Variants in GFOD1 observed in about 807,000 individuals in gnomAD.
GFOD1 encodes glucose-fructose oxidoreductase domain-containing protein 1.
Under a neutral mutation model 25.4 loss-of-function variants are expected in GFOD1, and 9 were observed. The ratio of observed to expected loss-of-function variants is 0.35; its 90% CI spans 0.21 to 0.62. The LOEUF (loss-of-function observed/expected upper bound fraction) is 0.62, where lower values mean the gene tolerates loss of function less well. Among genes scored for constraint, GFOD1 ranks in the 20% least tolerant of loss-of-function variants. The pLI, the probability that GFOD1 is intolerant of heterozygous loss-of-function variation, is 0.72. For synonymous variants in GFOD1, 253 were observed against 245.6 expected, an observed-to-expected ratio of 1.03 and a Z score of -0.28; for missense variants, 403 against 556.9, an observed-to-expected ratio of 0.72 and a Z score of 2.78.
Position 13,467,898 on chromosome 6 carries a change from C to T in GFOD1, c.253+18740G>A, listed in dbSNP as rs139634445. ...ACCACTTCCACTTCCTAGAAGACTGCCTTTTTCCTTTGGCCAAGGCTAAAC... is the reference window on the plus strand; with the variant it reads ...ACCACTTCCACTTCCTAGAAGACTGTCTTTTTCCTTTGGCCAAGGCTAAAC... On this transcript the variant is annotated intron_variant, in intron 1 of 1. Coordinates refer to ENST00000379287, the MANE Select transcript of GFOD1 (RefSeq NM_018988.4). 5.0e-4 allele frequency among the ~76,000 whole-genome samples: 76 copies of T among 152,290 alleles called. 1 individual carries two copies. The highest frequency in any genetic ancestry group is 7.9e-4 in the Non-Finnish European group (54 of 68,026).
intron 1 of GFOD1, among the ~76,000 whole-genome samples, chr6:13,380,645 C>G (rs1378905814): frequency 6.6e-6 from 1 of 152,072 alleles, no homozygotes; most frequent in Non-Finnish European, 1.5e-5. Flanking sequence ...GTTGCCTGAG[C>G]ACTTAGCTAC....
At position 13,402,173 on chromosome 6, in the gene GFOD1, A is replaced by T. The variant is rs1785860080; in HGVS notation, c.254-36511T>A. 2.0e-5 allele frequency among the ~76,000 whole-genome samples: 3 copies of T among 152,370 alleles called. No individual in the cohort carries two copies. The South Asian group carries it at 6.2e-4, about 32-fold the overall frequency. The stretch of plus-strand genomic sequence containing the variant: ...AAGTTGGAGGCCTATCTCATGTCAC[A>T]TGCAAAAATTTACTCAATATGGATC... On this transcript the variant is annotated intron_variant, in intron 1 of 1. Coordinates refer to ENST00000379287, the MANE Select transcript of GFOD1 (RefSeq NM_018988.4).
chr6:13,428,347 T>A (rs919806789), intron 1 of GFOD1, among the ~76,000 whole-genome samples: 3 of 152,074 alleles, frequency 2.0e-5, no homozygotes, highest in Non-Finnish European at 4.4e-5. Context: ...GTGACACTTA[T>A]CACTGGGCCG....
intron 1 of GFOD1, among the ~76,000 whole-genome samples, chr6:13,473,149 A>G (rs1758543913): frequency 1.3e-5 from 2 of 152,196 alleles, no homozygotes; most frequent in Non-Finnish European, 2.9e-5. Flanking sequence ...GTCCTTCTCC[A>G]AGGAGATTAT....
At chr6:13,382,462 A>T (rs2127558941) in intron 1 of GFOD1, among the ~76,000 whole-genome samples, 1 of 152,224 alleles carries the variant, frequency 6.6e-6, no homozygotes, top group Middle Eastern at 3.4e-3. Context: ...GCCACCATGT[A>T]AGATGTGACT....
rs566454477 is a variant in GFOD1, at chr6:13,377,589, TGA to T, written c.254-11929_254-11928del. Among the ~76,000 whole-genome samples, 19 of 152,338 alleles carry T rather than the reference TGA, an allele frequency of 1.2e-4. No individual in the cohort carries two copies. The South Asian group carries it at 3.5e-3, about 28-fold the overall frequency. On this transcript the variant is annotated intron_variant, in intron 1 of 1. Coordinates refer to ENST00000379287, the MANE Select transcript of GFOD1 (RefSeq NM_018988.4). ...CTTGGACTTCCTCTTTTGCCACCAG[TGA>T]GAGAGAATTTGCCACCTTTCCAGAG...
intron 1 of GFOD1, among the ~76,000 whole-genome samples, chr6:13,480,764 G>T (rs1430764134): frequency 6.6e-6 from 1 of 152,156 alleles, no homozygotes; most frequent in Non-Finnish European, 1.5e-5. Context: ...TGGGATTATA[G>T]GTGTAAGCCA....
rs185980014 is a variant in GFOD1, at chr6:13,384,698, G to A, written c.254-19036C>T. ...GAGACCACTGACACGCTAACTCGCC[G>A]GTTCCACAGGCTGGGAGGCAGAGAT... is the stretch of plus-strand genomic sequence containing the variant. On this transcript the variant is annotated intron_variant, in intron 1 of 1. Coordinates refer to ENST00000379287, the MANE Select transcript of GFOD1 (RefSeq NM_018988.4). 6.6e-5 allele frequency among the ~76,000 whole-genome samples: 10 copies of A among 152,306 alleles called. No homozygotes were observed. The East Asian group carries it at 1.5e-3, about 23-fold the overall frequency.
At chr6:13,483,858 G>T (rs1758809275) in intron 1 of GFOD1, among the ~76,000 whole-genome samples, 1 of 152,176 alleles carries the variant, frequency 6.6e-6, no homozygotes, top group African/African-American at 2.4e-5. Flanking sequence ...AATCTCAGTT[G>T]CTTCATTTGT....
intron 1 of GFOD1, among the ~76,000 whole-genome samples, chr6:13,414,004 A>G (rs1393277188): frequency 2.0e-5 from 3 of 152,222 alleles, no homozygotes; most frequent in Non-Finnish European, 4.4e-5. Flanking sequence ...GATGCTTTCC[A>G]TCTGCTTTAC....
At chr6:13,413,707 A>G (rs1371001713) in intron 1 of GFOD1, among the ~76,000 whole-genome samples, 1 of 152,214 alleles carries the variant, frequency 6.6e-6, no homozygotes, top group African/African-American at 2.4e-5. Flanking sequence ...CCCCTGGACC[A>G]TGGGACAGCC....
chr6:13,382,984 G>A (rs1334103712), intron 1 of GFOD1, among the ~76,000 whole-genome samples: 1 of 152,130 alleles, frequency 6.6e-6, no homozygotes, highest in African/African-American at 2.4e-5. Context: ...CCATGTCCCT[G>A]CAAAGGACAT....
At chr6:13,367,549 T>G (rs1353913066) in intron 1 of GFOD1, among the ~76,000 whole-genome samples, 1 of 152,174 alleles carries the variant, frequency 6.6e-6, no homozygotes, top group East Asian at 1.9e-4. Context: ...TCTTATGTGA[T>G]GACTGTGATG....
chr6:13,367,258 C>G (rs937817140), intron 1 of GFOD1, among the ~76,000 whole-genome samples: 12 of 152,164 alleles, frequency 7.9e-5, no homozygotes, highest in Non-Finnish European at 4.4e-5. Flanking sequence ...TATTGATACC[C>G]TTTGAAGGTC....
chr6:13,380,561 G>A (rs1197096667), intron 1 of GFOD1, among the ~76,000 whole-genome samples: 2 of 152,148 alleles, frequency 1.3e-5, no homozygotes, highest in South Asian at 2.1e-4. Flanking sequence ...CACCCCTGGC[G>A]GAGACTTGTG....
chr6:13,375,735 A>T (rs1475319150), intron 1 of GFOD1, among the ~76,000 whole-genome samples: 1 of 152,002 alleles, frequency 6.6e-6, no homozygotes, highest in African/African-American at 2.4e-5. Context: ...GTCCCCCATG[A>T]CTCAAGCCTG....
chr6:13,451,727 T>C (rs1235095950), intron 1 of GFOD1, among the ~76,000 whole-genome samples: 1 of 152,098 alleles, frequency 6.6e-6, no homozygotes, highest in Non-Finnish European at 1.5e-5. Flanking sequence ...AGGACCAGGG[T>C]TGGGAATGCT....
intron 1 of GFOD1, among the ~76,000 whole-genome samples, chr6:13,419,499 G>A (rs532168580): frequency 8.5e-5 from 13 of 152,142 alleles, no homozygotes; most frequent in African/African-American, 2.7e-4. Flanking sequence ...TATCCCTGCC[G>A]ATGGCTAAAC....
intron 1 of GFOD1, among the ~76,000 whole-genome samples, chr6:13,420,876 C>G (rs1786244439): frequency 6.6e-6 from 1 of 152,102 alleles, no homozygotes; most frequent in Non-Finnish European, 1.5e-5. Flanking sequence ...ATTCCATGCC[C>G]AGTAATTGTA....
Sources: allele counts gnomAD v4.1 joint callset (sites outside exome capture counted in the v4.1 genomes callset), GRCh38; gene constraint gnomAD v4.1.1; transcripts MANE v1.5; gene names NCBI Gene and HGNC (gene_info 2026-07-23, HGNC 2026-07-21).